Variants in EPHA6 observed in about 807,000 individuals in gnomAD.
EPHA6 encodes the protein EPH receptor A6, also known as ephrin type-A receptor 6.
In EPHA6, 50 loss-of-function variants were observed where a neutral mutation model predicts 112.0. The observed-to-expected ratio is 0.45, with a 90% CI of 0.36 to 0.56. The LOEUF (loss-of-function observed/expected upper bound fraction) is 0.56, where lower values mean the gene tolerates loss of function less well. Among genes scored for constraint, EPHA6 ranks in the 20% least tolerant of loss-of-function variants. The pLI is 0.00. For synonymous variants in EPHA6, 529 were observed against 490.7 expected (o/e 1.08, Z -1.03); for missense variants, 1,280 against 1,417.4 (o/e 0.90, Z 1.56).
intron 11 of EPHA6, among the ~76,000 whole-genome samples, chr3:97,564,738 T>A (rs1309984836): frequency 6.6e-6 from 1 of 152,116 alleles, no homozygotes; most frequent in Non-Finnish European, 1.5e-5. Flanking sequence ...GTTTGATACA[T>A]ATGGAGATTT....
At chr3:97,130,147 G>T (rs140068939) in intron 3 of EPHA6, among the ~76,000 whole-genome samples, 216 of 152,134 alleles carry the variant, frequency 1.4e-3, no homozygotes, top group African/African-American at 5.0e-3. Flanking sequence ...TGGTGGTAGT[G>T]ACAGTACATG....
intron 10 of EPHA6, among the ~76,000 whole-genome samples, chr3:97,511,187 G>A (rs1047062073): frequency 1.3e-5 from 2 of 151,712 alleles, no homozygotes; most frequent in African/African-American, 4.9e-5. Flanking sequence ...GGAGTGAATG[G>A]TTCTGTGTCA....
intron 7 of EPHA6, among the ~76,000 whole-genome samples, chr3:97,465,975 TTC>T (rs1314622122): frequency 6.6e-6 from 1 of 152,028 alleles, no homozygotes; most frequent in Non-Finnish European, 1.5e-5. Flanking sequence ...TTGTTTTTTT[TTC>T]TTTTTTTGTT....
chr3:97,611,797 C>T (rs1030819869), intron 13 of EPHA6, among the ~76,000 whole-genome samples: 2 of 151,850 alleles, frequency 1.3e-5, no homozygotes, highest in African/African-American at 2.4e-5. Flanking sequence ...AAAGCATTCA[C>T]TTCACTTCGT....
chr3:97,698,613 G>A (rs755431127), intron 14 of EPHA6, among the ~76,000 whole-genome samples: 64 of 152,044 alleles, frequency 4.2e-4, no homozygotes, highest in Non-Finnish European at 7.4e-4. Flanking sequence ...TTTTATTCAC[G>A]GTATTTTATT....
At chr3:97,035,056 G>A (rs917422256) in intron 3 of EPHA6, among the ~76,000 whole-genome samples, 4 of 151,812 alleles carry the variant, frequency 2.6e-5, no homozygotes, top group Non-Finnish European at 4.4e-5. Context: ...TTAACACCCT[G>A]ACTTTGTTTT....
intron 3 of EPHA6, among the ~76,000 whole-genome samples, chr3:96,999,440 C>T (rs922713576): frequency 6.6e-6 from 1 of 152,016 alleles, no homozygotes; most frequent in African/African-American, 2.4e-5. Flanking sequence ...GTATCCAGCT[C>T]AGAGATTAGA....
At chr3:96,872,038 G>A (rs1246897113) in intron 2 of EPHA6, among the ~76,000 whole-genome samples, 1 of 152,088 alleles carries the variant, frequency 6.6e-6, no homozygotes, top group Non-Finnish European at 1.5e-5. Flanking sequence ...GGAAGCGATA[G>A]ATAAGCGAGA....
intron 12 of EPHA6, among the ~76,000 whole-genome samples, chr3:97,601,060 G>A (rs2093639491): frequency 6.6e-6 from 1 of 151,960 alleles, no homozygotes; most frequent in South Asian, 2.1e-4. Context: ...AAGTTTGAAT[G>A]TTAAAAATAA....
intron 2 of EPHA6, among the ~76,000 whole-genome samples, chr3:96,938,731 T>C (rs551546025): frequency 5.9e-4 from 90 of 151,798 alleles, no homozygotes; most frequent in African/African-American, 2.1e-3. Context: ...TTCAGTGTGA[T>C]ATTGGCTGTG....
chr3:97,593,317 A>T (rs2093561288), intron 12 of EPHA6, among the ~76,000 whole-genome samples: 1 of 152,196 alleles, frequency 6.6e-6, no homozygotes, highest in South Asian at 2.1e-4. Context: ...TAAAAATGCA[A>T]TTTCAAATTT....
At chr3:96,852,051 A>C (rs753782773) in intron 1 of EPHA6, among the ~76,000 whole-genome samples, 3 of 152,162 alleles carry the variant, frequency 2.0e-5, no homozygotes, top group Admixed American at 6.5e-5. Context: ...GTTTTAGCTC[A>C]GTTTCATCAT....
intron 13 of EPHA6, among the ~76,000 whole-genome samples, chr3:97,619,186 G>A (rs555560406): frequency 4.6e-4 from 70 of 152,122 alleles, no homozygotes; most frequent in Non-Finnish European, 8.5e-4. Flanking sequence ...CTCAATAGAT[G>A]CAGAAAAGGC....
chr3:97,263,691 T>C (rs554092633), intron 5 of EPHA6, among the ~76,000 whole-genome samples: 1 of 152,170 alleles, frequency 6.6e-6, no homozygotes, highest in South Asian at 2.1e-4. Flanking sequence ...ATATCAAAGC[T>C]GTTTTGTAAG....
At chr3:97,540,492 A>G (rs1465305730) in intron 11 of EPHA6, among the ~76,000 whole-genome samples, 1 of 152,202 alleles carries the variant, frequency 6.6e-6, no homozygotes, top group Admixed American at 6.5e-5. Context: ...TGTATGCAGG[A>G]ATAATTTATT....
chr3:96,994,908 C>G (rs2043364391), intron 3 of EPHA6, among the ~76,000 whole-genome samples: 1 of 151,330 alleles, frequency 6.6e-6, no homozygotes, highest in Admixed American at 6.6e-5. Context: ...TAACTAAATA[C>G]TATTTGTCTA....
intron 3 of EPHA6, among the ~76,000 whole-genome samples, chr3:97,195,078 T>C (rs537901052): frequency 2.6e-5 from 4 of 152,026 alleles, no homozygotes; most frequent in African/African-American, 7.2e-5. Flanking sequence ...TTCAATGTTA[T>C]ATTAATAAGT....
chr3:97,073,637 A>G (rs115193366), intron 3 of EPHA6, among the ~76,000 whole-genome samples: 4,259 of 152,184 alleles, frequency 0.028, 214 homozygotes, highest in African/African-American at 0.097. Flanking sequence ...AAACAATTCA[A>G]CAGGATATAT....
At chr3:97,433,812 A>G (rs2089659291) in intron 6 of EPHA6, among the ~76,000 whole-genome samples, 1 of 152,072 alleles carries the variant, frequency 6.6e-6, no homozygotes, top group Non-Finnish European at 1.5e-5. Flanking sequence ...AGTACCAAAC[A>G]TATCCGTTCC....
Sources: allele counts gnomAD v4.1 joint callset (sites outside exome capture counted in the v4.1 genomes callset), GRCh38; gene constraint gnomAD v4.1.1; transcripts MANE v1.5; gene names NCBI Gene and HGNC (gene_info 2026-07-23, HGNC 2026-07-21).